Variants in INPPL1 observed in about 807,000 individuals in gnomAD.
The protein encoded by INPPL1 is inositol polyphosphate phosphatase like 1.
A neutral mutation model predicts 139.3 loss-of-function variants in INPPL1; 91 were observed. The observed-to-expected ratio is 0.65, with a 90% CI of 0.55 to 0.78. The LOEUF is 0.78. Ranked by LOEUF, INPPL1 falls within the 30% of genes least tolerant of loss-of-function variation. INPPL1 has a pLI of 0.00. For missense variants in INPPL1, 1,411 were observed against 1,665.6 expected, an observed-to-expected ratio of 0.85 and a Z score of 2.66; for synonymous variants, 719 against 686.6, an observed-to-expected ratio of 1.05 and a Z score of -0.74.
At chr11:72,229,879 C>A in intron 7 of INPPL1, 45 bp from the exon 8 acceptor site, 1 of 1,590,716 alleles carries the variant, frequency 6.3e-7, no homozygotes. Context: ...CCTGCCCCAG[C>A]CTTCAGTGTG....
chr11:72,230,348 C>A lies in INPPL1; in HGVS notation c.1091-14C>A, dbSNP rs1253140456. 1 of 1,613,870 alleles carries A rather than the reference C, an allele frequency of 6.2e-7. No homozygotes were observed. Among genetic ancestry groups the A allele is most frequent in the South Asian group, 1.1e-5 (1 of 91,064 alleles). On this transcript the variant is annotated splice_polypyrimidine_tract_variant and intron_variant, in intron 9 of 27. Transcript: ENST00000298229. ...AGGGGCACAGGCCCATGTGACCGGT[C>A]CTCCATGCCCTAGTCCGCCAGCTCA...
chr11:72,224,743 C>A (rs1164719726), upstream of INPPL1: 19 of 163,394 alleles, frequency 1.2e-4, no homozygotes, highest in Middle Eastern at 6.0e-3. Flanking sequence ...CTGCCCCTCC[C>A]CCGCCGCCTC....
At position 72,230,809 on chromosome 11, in the gene INPPL1, T is replaced by C; in HGVS notation, c.1211T>C (p.Phe404Ser). ...IFVSARKREA[F>S]CQLLQLMKNK... ...CTGTTCCCCCAGAAGCGGGAGGCCT[T>C]CTGCCAGCTGTTGCAGCTCATGAAG... The change falls in exon 11 of 28, where the codon TTC becomes TCC. Residue 404 changes from phenylalanine to serine, a missense_variant. By Grantham distance (155) the Phe-to-Ser change is radical. This residue lies in a region of INPPL1 where 504 missense variants were observed against 595.6 expected (regional missense o/e 0.85). Transcript: ENST00000298229. 6.2e-7 allele frequency: 1 copy of C among 1,613,964 alleles called. No homozygotes were observed. The highest frequency in any genetic ancestry group is 8.5e-7 in the Non-Finnish European group (1 of 1,179,962).
rs1407530333 is a variant in INPPL1, at chr11:72,237,178, G to A, written c.2934G>A (p.Lys978=). 1.2e-6 allele frequency: 2 copies of A among 1,611,752 alleles called. No homozygotes were observed. Among genetic ancestry groups the A allele is most frequent in the African/African-American group, 2.7e-5 (2 of 74,860 alleles). Residue 978 remains lysine (K), a synonymous_variant, in exon 26 of 28, where the codon AAG becomes AAA. Transcript: ENST00000298229. ...EPEGVAAPPP[K]NSFNNPAYYV... ...AAGGGGTGGCGGCCCCCCCACCCAA[G>A]AACAGCTTCAATAACCCTGCCTACT...
chr11:72,224,314 G>C (rs1011763573), upstream of INPPL1, among the ~76,000 whole-genome samples: 10 of 151,510 alleles, frequency 6.6e-5, no homozygotes, highest in African/African-American at 2.2e-4. Flanking sequence ...GGCCCCGCCC[G>C]CTTGGGTGGA....
Position 72,234,380 on chromosome 11 carries a change from C to G in INPPL1, c.2312C>G (p.Ser771Cys), listed in dbSNP as rs781377268. ...ACCAAGTTCTTCATCGAGTTCTACT[C>G]TACCTGCCTGGAGGGTCAGAGGCGT... is the stretch of plus-strand genomic sequence containing the variant. The part of the protein sequence containing the change: ...SRTKFFIEFY[S>C]TCLEEYKKSF... The change falls in exon 20 of 28, where the codon TCT becomes TGT. Residue 771 changes from serine (S) to cysteine (C), a missense_variant. Ser to Cys is a moderately radical substitution (Grantham distance 112). Coordinates refer to ENST00000298229, the MANE Select transcript of INPPL1 (RefSeq NM_001567.4). The surrounding 1 kb of genome is among the most constrained non-coding windows in gnomAD (Gnocchi z 4.2). 6 of 1,614,064 alleles carry G rather than the reference C, an allele frequency of 3.7e-6. No homozygotes were observed. Among genetic ancestry groups the G allele is most frequent in the Non-Finnish European group, 4.2e-6 (5 of 1,179,930 alleles).
chr11:72,231,812 C>T lies in INPPL1; in HGVS notation c.1615+197C>T, dbSNP rs1485761886. On this transcript the variant is annotated intron_variant, in intron 13 of 27. Coordinates refer to ENST00000298229, the MANE Select transcript of INPPL1 (RefSeq NM_001567.4). ...GGAAGGCAAGGCCAGGATAATTACC[C>T]CCTTTTCACAGATGATAAAACTCAA... is the stretch of plus-strand genomic sequence containing the variant. 6.6e-5 allele frequency among the ~76,000 whole-genome samples: 10 copies of T among 152,166 alleles called. No homozygotes were observed. In the South Asian group the frequency reaches 1.4e-3, roughly 22 times the overall value.
chr11:72,233,160 T>C lies in INPPL1; in HGVS notation c.2037T>C (p.Thr679=). 1 of 1,613,356 alleles carries C rather than the reference T, an allele frequency of 6.2e-7. No individual in the cohort carries two copies. The highest frequency in any genetic ancestry group is 8.5e-7 in the Non-Finnish European group (1 of 1,179,726). Residue 679 remains threonine, a synonymous_variant, in exon 17 of 28, where the codon ACT becomes ACC. Transcript: ENST00000298229. The stretch of plus-strand genomic sequence containing the variant: ...ATGCCTGGCACAAGCAGAAGCCAAC[T>C]GGGGTGAGCCAAGAAAACGGCATGG... ...DTYAWHKQKP[T]GVRTNVPSWC...
In INPPL1 at chr11:72,232,901, A is replaced by G. The variant is rs1405687130; in HGVS notation, c.1878A>G (p.Lys626=). ...AGATCCTGAACTACATCAGCAGGAA[A>G]GAGTTTGAGCCCCTCCTCAGGGTGG... is the stretch of plus-strand genomic sequence containing the variant. ...IQEILNYISR[K]EFEPLLRVDQ... The change falls in exon 16 of 28, where the codon AAA becomes AAG. Residue 626 remains lysine, a synonymous_variant. Coordinates refer to ENST00000298229, the MANE Select transcript of INPPL1 (RefSeq NM_001567.4). 4.3e-6 allele frequency: 7 copies of G among 1,613,974 alleles called. No individual in the cohort carries two copies. The highest frequency in any genetic ancestry group is 5.9e-6 in the Non-Finnish European group (7 of 1,180,018).
chr11:72,225,067 G>A lies in INPPL1; in HGVS notation c.83G>A (p.Arg28Gln). Residue 28 changes from arginine to glutamine, a missense_variant, in exon 1 of 28, where the codon CGG becomes CAG. Around this residue, in one of 5 missense-constraint regions of INPPL1, gnomAD observed 504 missense variants for 595.6 expected, o/e 0.85. Coordinates refer to ENST00000298229, the MANE Select transcript of INPPL1 (RefSeq NM_001567.4). Reference sequence around the variant, plus strand: ...TCCTGGTACCACCGCGACCTGAGCCGGGCGGCCGCGGAGGAGCTGCTGGCC... The same window carrying A: ...TCCTGGTACCACCGCGACCTGAGCCAGGCGGCCGCGGAGGAGCTGCTGGCC... Reference protein sequence around the residue: ...APSWYHRDLSRAAAEELLARA... With the variant: ...APSWYHRDLSQAAAEELLARA... The A allele has an allele frequency of 8.1e-7, 1 of 1,230,284 alleles. No individual in the cohort carries two copies. The highest frequency in any genetic ancestry group is 1.0e-6 in the Non-Finnish European group (1 of 987,154). 76.2% of individuals were successfully genotyped at this position (1,230,284 alleles called of 1,614,324 possible).
At chr11:72,233,187 C>T (rs1469446491) in intron 17 of INPPL1, 24 bp downstream of exon 17, 3 of 1,598,732 alleles carry the variant, frequency 1.9e-6, no homozygotes, top group African/African-American at 1.3e-5. Context: ...ACGGCATGGG[C>T]CTTGGGGGAC....
At position 72,238,077 on chromosome 11, in the gene INPPL1, G is replaced by C; in HGVS notation, c.3588G>C (p.Leu1196=). ...TGCAGGGCGGGCGGGCCAGCGGGCTGGGCGAGGCAGGCATGAGTGCCTGGC... is the reference window on the plus strand; with the variant it reads ...TGCAGGGCGGGCGGGCCAGCGGGCTCGGCGAGGCAGGCATGAGTGCCTGGC... ...PCLQGGRASG[L]GEAGMSAWLR... The change falls in exon 27 of 28, where the codon CTG becomes CTC. Residue 1196 remains leucine, a synonymous_variant. Coordinates refer to ENST00000298229, the MANE Select transcript of INPPL1 (RefSeq NM_001567.4). 6.4e-7 allele frequency: 1 copy of C among 1,574,160 alleles called. No individual in the cohort carries two copies. The highest frequency in any genetic ancestry group is 8.6e-7 in the Non-Finnish European group (1 of 1,160,024).
intron 25 of INPPL1, 95 bp from the exon 26 acceptor site, chr11:72,237,029 C>A: frequency 8.7e-7 from 1 of 1,153,838 alleles, no homozygotes; most frequent in Non-Finnish European, 1.2e-6. Flanking sequence ...GACCAGGGGA[C>A]TTTCTGACTC....
At position 72,224,953 on chromosome 11, in the gene INPPL1, G is replaced by T; in HGVS notation, c.-32G>T. On this transcript the variant is annotated 5_prime_UTR_variant, in exon 1 of 28. Transcript: ENST00000298229. The stretch of plus-strand genomic sequence containing the variant: ...CTCGGGGCGGATGGCGCGGGGCGGC[G>T]GGGGCGGGCGGTGCTGAGCCCTGCG... The T allele has an allele frequency of 9.3e-7, 1 of 1,074,926 alleles. No individual in the cohort carries two copies. 66.6% of individuals were successfully genotyped at this position (1,074,926 alleles called of 1,614,324 possible).
chr11:72,237,695 G>T lies in INPPL1; in HGVS notation c.3451G>T (p.Glu1151Ter), dbSNP rs1949031580. ...ARSALLPGPL[E>*]LQPPRGLPSD... ...CTCAGCGCTCCTCCCAGGCCCCCTG[G>T]AGCTGCAGCCCCCCCGGGGACTGCC... The change falls in exon 26 of 28, where the codon GAG (glutamate) becomes TAG (stop). Residue 1151 changes from glutamate (E) to a stop codon, truncating the protein, a stop_gained. Coordinates refer to ENST00000298229, the MANE Select transcript of INPPL1 (RefSeq NM_001567.4). LOFTEE classifies it high-confidence loss of function. 6.2e-7 allele frequency: 1 copy of T among 1,611,842 alleles called. No individual in the cohort carries two copies. Among genetic ancestry groups the T allele is most frequent in the Non-Finnish European group, 8.5e-7 (1 of 1,179,548 alleles).
Position 72,234,741 on chromosome 11 carries a change from G to A in INPPL1, c.2415+126G>A. 1.6e-6 allele frequency: 1 copy of A among 636,486 alleles called. No homozygotes were observed. Among genetic ancestry groups the A allele is most frequent in the Non-Finnish European group, 2.8e-6 (1 of 360,858 alleles). 39.4% of individuals were successfully genotyped at this position (636,486 alleles called of 1,614,324 possible). ...AGAGAGAGAGAGAGAGAGTGTGTGT[G>A]TGTGTGTGTGTGTGTGTGTGTGTAT... On this transcript the variant is annotated intron_variant, in intron 21 of 27. Transcript: ENST00000298229. The surrounding 1 kb of genome is among the most constrained non-coding windows in gnomAD (Gnocchi z 4.2).
Position 72,238,298 on chromosome 11 carries a change from T to C in INPPL1, c.3722T>C (p.Val1241Ala). The change falls in exon 28 of 28, where the codon GTG (valine) becomes GCG (alanine). Residue 1241 changes from valine to alanine, a missense_variant. Physicochemically the swap from Val to Ala is moderately conservative, Grantham distance 64 (BLOSUM62 0). Transcript: ENST00000298229. ...ITEEDLEEAG[V>A]QDPAHKRLLL... Reference sequence around the variant, plus strand: ...GAGGAGGACTTGGAGGAGGCTGGGGTGCAGGACCCGGCTCACAAGCGCCTC... The same window carrying C: ...GAGGAGGACTTGGAGGAGGCTGGGGCGCAGGACCCGGCTCACAAGCGCCTC... The C allele has an allele frequency of 6.2e-7, 1 of 1,603,284 alleles. No homozygotes were observed. Among genetic ancestry groups the C allele is most frequent in the Non-Finnish European group, 8.5e-7 (1 of 1,175,440 alleles).
rs746371096 is a variant in INPPL1 at position 72,234,732 on chromosome 11, A to AGAGT, written c.2415+118_2415+119insAGTG. On this transcript the variant is annotated intron_variant, in intron 21 of 27. Coordinates refer to ENST00000298229, the MANE Select transcript of INPPL1 (RefSeq NM_001567.4). The surrounding 1 kb of genome is among the most constrained non-coding windows in gnomAD (Gnocchi z 4.2). Reference sequence around the variant, plus strand: ...GGGGCCAGCAGAGAGAGAGAGAGAGAGTGTGTGTGTGTGTGTGTGTGTGTG... The same window carrying AGAGT: ...GGGGCCAGCAGAGAGAGAGAGAGAGAGAGTGTGTGTGTGTGTGTGTGTGTGTGTG... 4.7e-3 allele frequency: 2,496 copies of AGAGT among 528,094 alleles called. 35 individuals are homozygous for AGAGT. Among genetic ancestry groups the AGAGT allele is most frequent in the African/African-American group, 0.04 (1,934 of 48,460 alleles). The allele number at this position is 528,094 out of a possible 1,614,324, so 32.7% of individuals were successfully genotyped here. A position where few individuals can be genotyped will look rare whatever the true frequency, so the allele number is the denominator to read the frequency against.
Position 72,228,832 on chromosome 11 carries a change from C to A in INPPL1, c.503C>A (p.Ala168Asp). Reference sequence around the variant, plus strand: ...CTGCCAGCTCCTGAGACTCCCACAGCTCCAGCTGCTGAGAGGTGAGACCCC... The same window carrying A: ...CTGCCAGCTCCTGAGACTCCCACAGATCCAGCTGCTGAGAGGTGAGACCCC... ...SPLPAPETPTAPAAESAPNGL... is the reference protein window; with the variant it reads ...SPLPAPETPTDPAAESAPNGL... The change falls in exon 4 of 28, where the codon GCT becomes GAT. Residue 168 changes from alanine to aspartate, a missense_variant. Ala to Asp is a moderately radical substitution (Grantham distance 126). Transcript: ENST00000298229. This position sits in a 1 kb window ranked among gnomAD's most constrained non-coding sequence, Gnocchi z 5.0. 1 of 1,608,486 alleles carries A rather than the reference C, an allele frequency of 6.2e-7. No homozygotes were observed. The highest frequency in any genetic ancestry group is 8.5e-7 in the Non-Finnish European group (1 of 1,177,090).
Sources: gnomAD v4.1 joint callset for allele counts (sites outside exome capture counted in the v4.1 genomes callset) on GRCh38, gnomAD v4.1.1 for gene constraint, gnomAD v4.1.1 regional missense constraint, Gnocchi (gnomAD v3.1) non-coding constraint, MANE v1.5 for transcripts, NCBI Gene and HGNC (gene_info 2026-07-23, HGNC 2026-07-21) for gene names.